The following CDH9 variants were observed in gnomAD, a reference collection of about 807,000 sequenced individuals.
CDH9 encodes cadherin 9.
CDH9 carries 28 observed loss-of-function variants against 70.9 expected under a neutral mutation model. That is an observed-to-expected ratio of 0.40 (90% CI 0.29 to 0.54). CDH9 has a LOEUF of 0.54. Among genes scored for constraint, CDH9 ranks in the 20% least tolerant of loss-of-function variants. CDH9 has a pLI of 0.59. For synonymous variants in CDH9, 409 were observed against 343.1 expected, an observed-to-expected ratio of 1.19 and a Z score of -2.12; for missense variants, 874 against 984.4, an observed-to-expected ratio of 0.89 and a Z score of 1.50.
intron 2 of CDH9, among the ~76,000 whole-genome samples, chr5:26,984,920 T>A (rs1742464512): frequency 6.6e-6 from 1 of 152,158 alleles, no homozygotes; most frequent in Admixed American, 6.6e-5. Context: ...CTCTCCTATA[T>A]TGCAAATGTC....
At chr5:26,905,932 A>AC in intron 5 of CDH9, 27 bp downstream of exon 5, 1 of 1,588,118 alleles carries the variant, frequency 6.3e-7, no homozygotes, top group Non-Finnish European at 8.6e-7. Flanking sequence ...AAGTTTTTGG[A>AC]CATGAGATCA....
At chr5:26,955,009 T>C (rs749082337) in intron 2 of CDH9, among the ~76,000 whole-genome samples, 2 of 152,152 alleles carry the variant, frequency 1.3e-5, no homozygotes, top group Non-Finnish European at 2.9e-5. Context: ...CACACCAGCC[T>C]GGCAACAGAA....
chr5:26,955,463 T>G (rs1741930292), intron 2 of CDH9, among the ~76,000 whole-genome samples: 1 of 152,124 alleles, frequency 6.6e-6, no homozygotes, highest in Non-Finnish European at 1.5e-5. Flanking sequence ...CCTTTTTAAG[T>G]TTTTTGGGGC....
intron 2 of CDH9, among the ~76,000 whole-genome samples, chr5:26,973,749 TATG>T (rs1742259688): frequency 6.6e-6 from 1 of 152,208 alleles, no homozygotes. Flanking sequence ...TCTTTTTTAA[TATG>T]ATGAACACAT....
At chr5:26,955,121 T>A (rs901521154) in intron 2 of CDH9, among the ~76,000 whole-genome samples, 17 of 152,216 alleles carry the variant, frequency 1.1e-4, no homozygotes, top group African/African-American at 4.1e-4. Context: ...AAACCAAGAA[T>A]CTCCATATAC....
At chr5:26,943,624 C>T (rs1741699624) in intron 2 of CDH9, among the ~76,000 whole-genome samples, 1 of 151,944 alleles carries the variant, frequency 6.6e-6, no homozygotes, top group African/African-American at 2.4e-5. Context: ...TGTTTAAAGG[C>T]AGATACTTCA....
At chr5:26,963,845 T>C (rs1381680887) in intron 2 of CDH9, among the ~76,000 whole-genome samples, 1 of 152,102 alleles carries the variant, frequency 6.6e-6, no homozygotes, top group Non-Finnish European at 1.5e-5. Context: ...GTATCTTTAA[T>C]TGGAATGTAT....
chr5:26,995,208 G>T (rs1284386249), intron 1 of CDH9, among the ~76,000 whole-genome samples: 2 of 152,224 alleles, frequency 1.3e-5, no homozygotes, highest in African/African-American at 2.4e-5. Flanking sequence ...AAAATTAATT[G>T]GTTAATTCAT....
chr5:26,952,166 G>A (rs973812166), intron 2 of CDH9, among the ~76,000 whole-genome samples: 2 of 149,672 alleles, frequency 1.3e-5, no homozygotes, highest in Non-Finnish European at 3.0e-5. Context: ...GTTTCACCTT[G>A]CTGGCCAGGC....
intron 2 of CDH9, among the ~76,000 whole-genome samples, chr5:26,969,258 T>C (rs1742178169): frequency 6.6e-6 from 1 of 152,208 alleles, no homozygotes; most frequent in African/African-American, 2.4e-5. Context: ...AAATCTGTAG[T>C]TGGAGAATTG....
chr5:26,935,914 T>C (rs974131642), intron 2 of CDH9, among the ~76,000 whole-genome samples: 1 of 152,156 alleles, frequency 6.6e-6, no homozygotes, highest in Non-Finnish European at 1.5e-5. Flanking sequence ...GGACTACTAC[T>C]CAGCCATGAC....
intron 2 of CDH9, among the ~76,000 whole-genome samples, chr5:26,958,991 AG>A (rs1400658847): frequency 1.3e-5 from 2 of 152,158 alleles, no homozygotes; most frequent in Non-Finnish European, 2.9e-5. Context: ...AAACAACAAA[AG>A]ACAATATAGG....
intron 2 of CDH9, among the ~76,000 whole-genome samples, chr5:26,922,390 A>T (rs537842787): frequency 7.9e-4 from 120 of 152,268 alleles, no homozygotes; most frequent in Non-Finnish European, 1.3e-3. Context: ...CTGGCAACAG[A>T]TATCTCAGTG....
At chr5:26,902,350 A>C (rs527645489) in intron 7 of CDH9, 126 bp downstream of exon 7, 1 of 632,176 alleles carries the variant, frequency 1.6e-6, no homozygotes, top group East Asian at 2.7e-5. Flanking sequence ...CAGTTTGTAA[A>C]TAGTGAGATT....
At chr5:26,977,035 T>C (rs932252813) in intron 2 of CDH9, among the ~76,000 whole-genome samples, 5 of 152,058 alleles carry the variant, frequency 3.3e-5, no homozygotes, top group African/African-American at 9.7e-5. Flanking sequence ...ATAGTATTAT[T>C]ATACATTTAA....
chr5:26,997,296 T>C (rs1359988228), intron 1 of CDH9, among the ~76,000 whole-genome samples: 1 of 152,040 alleles, frequency 6.6e-6, no homozygotes, highest in Non-Finnish European at 1.5e-5. Context: ...TGTGTGTATA[T>C]ATGTCCACTT....
chr5:26,923,633 G>A (rs1313615822), intron 2 of CDH9, among the ~76,000 whole-genome samples: 1 of 151,912 alleles, frequency 6.6e-6, no homozygotes, highest in Non-Finnish European at 1.5e-5. Flanking sequence ...CATTCTTATT[G>A]ATAATTTTCA....
chr5:26,982,726 T>A lies in CDH9; in HGVS notation c.228+5380A>T, dbSNP rs976353296. On this transcript the variant is annotated intron_variant, in intron 2 of 11. Coordinates refer to ENST00000231021, the MANE Select transcript of CDH9 (RefSeq NM_016279.4). ...TTTTTTGAGATGGAGTCTTGCTCCA[T>A]CGCCCAGGCTCGATCTCGGCTCACT... Among the ~76,000 whole-genome samples, 8 of 152,182 alleles carry A rather than the reference T, an allele frequency of 5.3e-5. No individual in the cohort carries two copies. In the South Asian group the frequency reaches 1.5e-3, roughly 28 times the overall value.
chr5:26,917,523 C>T (rs1406129687), intron 2 of CDH9, among the ~76,000 whole-genome samples: 1 of 152,068 alleles, frequency 6.6e-6, no homozygotes, highest in Non-Finnish European at 1.5e-5. Context: ...ATTTCTTCAG[C>T]ATTCCATTTT....
Sources: gnomAD v4.1 joint callset for allele counts (sites outside exome capture counted in the v4.1 genomes callset) on GRCh38, gnomAD v4.1.1 for gene constraint, MANE v1.5 for transcripts, NCBI Gene and HGNC (gene_info 2026-07-23, HGNC 2026-07-21) for gene names.